Variants in PXDNL observed in about 807,000 individuals in gnomAD.
PXDNL encodes peroxidasin like.
PXDNL carries 145 observed loss-of-function variants against 150.8 expected under a neutral mutation model. That is an observed-to-expected ratio of 0.96 (90% CI 0.84 to 1.10). The LOEUF is 1.10. Ranked by LOEUF, PXDNL falls within the 50% of genes least tolerant of loss-of-function variation. PXDNL has a pLI of 0.00. For missense variants in PXDNL, 2,087 were observed against 1,873.9 expected (o/e 1.11, Z -2.10); for synonymous variants, 757 against 725.7 (o/e 1.04, Z -0.69).
At chr8:51,373,430 T>C (rs1280714821) in intron 18 of PXDNL, among the ~76,000 whole-genome samples, 1 of 152,210 alleles carries the variant, frequency 6.6e-6, no homozygotes, top group East Asian at 1.9e-4. Flanking sequence ...GGAAGACAGC[T>C]TAACCCCCAA....
At chr8:51,537,586 G>A (rs185910735) in intron 4 of PXDNL, among the ~76,000 whole-genome samples, 4 of 152,276 alleles carry the variant, frequency 2.6e-5, no homozygotes, top group East Asian at 1.9e-4. Flanking sequence ...GAAGAGGGAC[G>A]TTCAGTTCCA....
chr8:51,702,912 C>T (rs1471245773), intron 1 of PXDNL, among the ~76,000 whole-genome samples: 1 of 152,094 alleles, frequency 6.6e-6, no homozygotes, highest in African/African-American at 2.4e-5. Context: ...TCTATTTGGC[C>T]ACAAAGAGGG....
At chr8:51,714,148 A>G (rs1162979718) in intron 1 of PXDNL, among the ~76,000 whole-genome samples, 1 of 152,236 alleles carries the variant, frequency 6.6e-6, no homozygotes, top group Non-Finnish European at 1.5e-5. Flanking sequence ...CCTAATGATT[A>G]TAGCATACAT....
At chr8:51,706,047 A>C (rs938608036) in intron 1 of PXDNL, among the ~76,000 whole-genome samples, 1 of 152,250 alleles carries the variant, frequency 6.6e-6, no homozygotes, top group Non-Finnish European at 1.5e-5. Context: ...GCAGTGGCTC[A>C]TGCCTATAAT....
Position 51,483,685 on chromosome 8 carries a change from AT to A in PXDNL, c.481del (p.Ile161PhefsTer12). The A allele has an allele frequency of 6.6e-7, 1 of 1,515,620 alleles. No individual in the cohort carries two copies. Among genetic ancestry groups the A allele is most frequent in the Non-Finnish European group, 9.0e-7 (1 of 1,116,604 alleles). The allele number at this position is 1,515,620 out of a possible 1,614,324, so 93.9% of individuals were successfully genotyped here. ...CAGATTAGAAAAGCTCCCAGCTGGA[AT>A]TTTAGATAATTTGTTGTTATGCAAA... ...LFLHNNKLSK[I>X]PAGSFSNLDS... On this transcript the variant is annotated frameshift_variant, in exon 6 of 23. Coordinates refer to ENST00000356297, the MANE Select transcript of PXDNL (RefSeq NM_144651.5). LOFTEE classifies it high-confidence loss of function.
intron 2 of PXDNL, among the ~76,000 whole-genome samples, chr8:51,632,678 A>G (rs939509429): frequency 6.6e-6 from 1 of 152,194 alleles, no homozygotes; most frequent in African/African-American, 2.4e-5. Context: ...TTTTTCAAGT[A>G]CTTATGGAAC....
At chr8:51,393,790 G>A (rs1191810272) in intron 17 of PXDNL, among the ~76,000 whole-genome samples, 1 of 152,148 alleles carries the variant, frequency 6.6e-6, no homozygotes, top group African/African-American at 2.4e-5. Flanking sequence ...AAGGAGTGTG[G>A]GCAGCCTCTA....
intron 5 of PXDNL, among the ~76,000 whole-genome samples, chr8:51,499,382 C>T (rs751803977): frequency 3.3e-5 from 5 of 152,164 alleles, no homozygotes; most frequent in African/African-American, 4.8e-5. Flanking sequence ...CCGCCCACCT[C>T]GGCCTCCCAA....
chr8:51,599,340 G>T (rs1813642805), intron 2 of PXDNL, among the ~76,000 whole-genome samples: 1 of 151,700 alleles, frequency 6.6e-6, no homozygotes, highest in Non-Finnish European at 1.5e-5. Context: ...GTTAATTTGA[G>T]ATCTTCCTAA....
At chr8:51,609,445 C>T (rs1447034417) in intron 2 of PXDNL, among the ~76,000 whole-genome samples, 1 of 152,132 alleles carries the variant, frequency 6.6e-6, no homozygotes. Flanking sequence ...TGCTCTTGAC[C>T]TTTGGGGCCA....
chr8:51,472,668 T>C (rs1259445458), intron 7 of PXDNL, among the ~76,000 whole-genome samples: 1 of 152,216 alleles, frequency 6.6e-6, no homozygotes, highest in African/African-American at 2.4e-5. Context: ...GCACTCTTCC[T>C]AGACAATTAG....
chr8:51,414,177 T>C (rs1250686828), intron 14 of PXDNL, among the ~76,000 whole-genome samples: 1 of 151,826 alleles, frequency 6.6e-6, no homozygotes, highest in African/African-American at 2.4e-5. Context: ...TAAGCTTAAG[T>C]CAAGGTGTTA....
chr8:51,396,919 T>C (rs538896006), intron 17 of PXDNL, among the ~76,000 whole-genome samples: 20 of 152,372 alleles, frequency 1.3e-4, no homozygotes, highest in African/African-American at 4.8e-4. Flanking sequence ...TTTTAGCCTC[T>C]AAACAGTCAC....
intron 1 of PXDNL, among the ~76,000 whole-genome samples, chr8:51,783,094 T>C (rs2129250466): frequency 6.6e-6 from 1 of 152,348 alleles, no homozygotes; most frequent in East Asian, 1.9e-4. Context: ...AGCTTCCTCC[T>C]GGGTAAAAAG....
chr8:51,730,216 T>TATG (rs139805092), intron 1 of PXDNL, among the ~76,000 whole-genome samples: 135,500 of 151,932 alleles, frequency 0.89, 61,209 homozygotes, highest in South Asian at 0.96. Flanking sequence ...CAAGATGGCA[T>TATG]ATGGGCCCTC....
chr8:51,483,588 G>T, intron 6 of PXDNL, 55 bp downstream of exon 6: 1 of 1,092,708 alleles, frequency 9.2e-7, no homozygotes, highest in Non-Finnish European at 1.4e-6. Flanking sequence ...GTTTGGGATG[G>T]ATTTTGGAGG....
intron 2 of PXDNL, among the ~76,000 whole-genome samples, chr8:51,601,764 T>TA (rs1813726600): frequency 6.6e-6 from 1 of 151,840 alleles, no homozygotes; most frequent in African/African-American, 2.4e-5. Context: ...ACAAAGTTGT[T>TA]AGCTATTTGC....
intron 17 of PXDNL, among the ~76,000 whole-genome samples, chr8:51,404,765 T>C (rs1367378934): frequency 6.6e-6 from 1 of 152,202 alleles, no homozygotes; most frequent in Non-Finnish European, 1.5e-5. Context: ...CTTCACCCAG[T>C]GGATCCTGCA....
At chr8:51,638,966 G>C (rs1393761602) in intron 2 of PXDNL, among the ~76,000 whole-genome samples, 3 of 152,136 alleles carry the variant, frequency 2.0e-5, no homozygotes, top group Non-Finnish European at 2.9e-5. Context: ...GCACTCCTCA[G>C]CAAATGTAAA....
Sources: allele counts gnomAD v4.1 joint callset (sites outside exome capture counted in the v4.1 genomes callset), GRCh38; gene constraint gnomAD v4.1.1; transcripts MANE v1.5; gene names NCBI Gene and HGNC (gene_info 2026-07-23, HGNC 2026-07-21).